The following GRM7 variants were observed in gnomAD, a reference collection of about 807,000 sequenced individuals.
GRM7 encodes glutamate metabotropic receptor 7.
In GRM7, 35 loss-of-function variants were observed where a neutral mutation model predicts 84.5. That is an observed-to-expected ratio of 0.41 (90% CI 0.32 to 0.55). The LOEUF is 0.55. GRM7 is among the 20% of genes least tolerant of loss of function. The pLI is 0.19. For missense variants in GRM7, 1,003 were observed against 1,194.6 expected, an observed-to-expected ratio of 0.84 and a Z score of 2.36; for synonymous variants, 487 against 455.1, an observed-to-expected ratio of 1.07 and a Z score of -0.89.
chr3:7,494,679 A>G (rs1699637067), intron 7 of GRM7, among the ~76,000 whole-genome samples: 2 of 152,046 alleles, frequency 1.3e-5, no homozygotes, highest in Admixed American at 1.3e-4. Context: ...GTAAGTTCTG[A>G]TGTGTCCTCT....
chr3:7,264,603 A>G (rs918694203), intron 2 of GRM7, among the ~76,000 whole-genome samples: 1 of 152,064 alleles, frequency 6.6e-6, no homozygotes, highest in Admixed American at 6.6e-5. Flanking sequence ...TCTTCCCTCC[A>G]TCTACTCTCA....
chr3:7,164,863 G>T (rs966053605), intron 2 of GRM7, among the ~76,000 whole-genome samples: 1 of 152,158 alleles, frequency 6.6e-6, no homozygotes, highest in Admixed American at 6.5e-5. Context: ...GAGAAGATCT[G>T]GTTAGGTCCA....
intron 2 of GRM7, among the ~76,000 whole-genome samples, chr3:7,262,735 C>T (rs1389962270): frequency 0.028 from 4 of 142 alleles, no homozygotes. Flanking sequence ...CTCGCTTTGT[C>T]ACACCAGGCT....
chr3:7,027,495 T>A (rs919154675), intron 1 of GRM7, among the ~76,000 whole-genome samples: 4 of 152,218 alleles, frequency 2.6e-5, no homozygotes, highest in Admixed American at 6.5e-5. Flanking sequence ...ATTTATGTCA[T>A]TTCATTATTG....
At chr3:7,012,915 T>A in intron 1 of GRM7, among the ~76,000 whole-genome samples, 1 of 152,140 alleles carries the variant, frequency 6.6e-6, no homozygotes, top group East Asian at 1.9e-4. Context: ...TAATTTGTTA[T>A]TTTTTGTAGA....
chr3:7,451,493 T>G (rs1056794137), intron 5 of GRM7, among the ~76,000 whole-genome samples: 3 of 152,076 alleles, frequency 2.0e-5, no homozygotes, highest in Non-Finnish European at 2.9e-5. Context: ...TGAGCAAAGA[T>G]AGTTTAACAG....
At chr3:7,369,435 G>T (rs1293741816) in intron 4 of GRM7, among the ~76,000 whole-genome samples, 2 of 150,872 alleles carry the variant, frequency 1.3e-5, no homozygotes, top group Admixed American at 6.6e-5. Context: ...TTCCCAGAAA[G>T]ATGAGTCTCA....
chr3:7,251,022 G>A (rs1372693100), intron 2 of GRM7, among the ~76,000 whole-genome samples: 1 of 152,134 alleles, frequency 6.6e-6, no homozygotes, highest in Non-Finnish European at 1.5e-5. Flanking sequence ...TAGAATGGAG[G>A]TACAGAGTGA....
intron 2 of GRM7, among the ~76,000 whole-genome samples, chr3:7,242,886 G>GT (rs1697613564): frequency 6.6e-6 from 1 of 152,030 alleles, no homozygotes; most frequent in African/African-American, 2.4e-5. Flanking sequence ...TTTGAACTTT[G>GT]TTATTGTAAT....
intron 1 of GRM7, among the ~76,000 whole-genome samples, chr3:7,124,303 T>C (rs552613691): frequency 1.3e-5 from 2 of 152,192 alleles, no homozygotes; most frequent in Non-Finnish European, 2.9e-5. Flanking sequence ...TTTAAACATA[T>C]TGATAGAGCG....
chr3:7,185,188 C>A (rs942811074), intron 2 of GRM7, among the ~76,000 whole-genome samples: 6 of 151,936 alleles, frequency 3.9e-5, no homozygotes, highest in African/African-American at 1.4e-4. Flanking sequence ...TATATGAGGG[C>A]AAAAAAAGCA....
At chr3:7,271,582 A>G (rs983626334) in intron 2 of GRM7, among the ~76,000 whole-genome samples, 26 of 151,064 alleles carry the variant, frequency 1.7e-4, no homozygotes, top group Admixed American at 4.6e-4. Flanking sequence ...AAAAAAAAAA[A>G]AAAGAAATGC....
At chr3:7,713,750 A>T (rs1701673109) in intron 9 of GRM7, among the ~76,000 whole-genome samples, 1 of 150,858 alleles carries the variant, frequency 6.6e-6, no homozygotes, top group African/African-American at 2.4e-5. Flanking sequence ...ATAAAACAGA[A>T]TTTGCTCCTG....
intron 2 of GRM7, among the ~76,000 whole-genome samples, chr3:7,272,726 C>A (rs1698911172): frequency 6.6e-6 from 1 of 151,766 alleles, no homozygotes; most frequent in Non-Finnish European, 1.5e-5. Flanking sequence ...CTAGCAATTT[C>A]TGTTCTTTGT....
intron 1 of GRM7, among the ~76,000 whole-genome samples, chr3:7,029,259 A>G (rs1240435): frequency 0.63 from 94,059 of 148,878 alleles, 31,430 homozygotes; most frequent in African/African-American, 0.86. Context: ...AGCTGGGATC[A>G]CGCCATTGCA....
chr3:7,540,427 C>T (rs1044628823), intron 7 of GRM7, among the ~76,000 whole-genome samples: 1 of 152,062 alleles, frequency 6.6e-6, no homozygotes. Context: ...ATGCATGCTT[C>T]AGTAGGAATT....
intron 8 of GRM7, among the ~76,000 whole-genome samples, chr3:7,623,913 T>A (rs186042866): frequency 6.6e-6 from 1 of 152,250 alleles, no homozygotes; most frequent in African/African-American, 2.4e-5. Context: ...CAAAATTTCC[T>A]AGGTGGGTAT....
intron 1 of GRM7, among the ~76,000 whole-genome samples, chr3:7,015,681 A>G (rs1284385391): frequency 1.3e-5 from 2 of 152,106 alleles, no homozygotes; most frequent in Non-Finnish European, 2.9e-5. Context: ...CAGAGAATAC[A>G]TTTCCAACAT....
chr3:7,730,116 G>C (rs993500796), intron 9 of GRM7, among the ~76,000 whole-genome samples: 3 of 147,134 alleles, frequency 2.0e-5, no homozygotes, highest in Non-Finnish European at 3.0e-5. Context: ...CTTATGATCT[G>C]CCCACCTTGG....
Sources: allele counts gnomAD v4.1 joint callset (sites outside exome capture counted in the v4.1 genomes callset), GRCh38; gene constraint gnomAD v4.1.1; transcripts MANE v1.5; gene names NCBI Gene and HGNC (gene_info 2026-07-23, HGNC 2026-07-21).